PCDHGA6: variants seen among roughly 807,000 people sequenced by gnomAD.
PCDHGA6 encodes the protein protocadherin gamma subfamily A, 6, also known as protocadherin gamma-A6.
PCDHGA6 carries 41 observed loss-of-function variants against 60.6 expected under a neutral mutation model. The observed-to-expected ratio is 0.68, with a 90% confidence interval of 0.53 to 0.88. The LOEUF (loss-of-function observed/expected upper bound fraction) is 0.88. PCDHGA6 is among the 40% of genes least tolerant of loss of function. PCDHGA6 has a pLI of 0.00. For synonymous variants in PCDHGA6, 594 were observed against 524.4 expected (o/e 1.13, Z -1.81); for missense variants, 1,312 against 1,203.0 (o/e 1.09, Z -1.34).
At position 141,512,116 on chromosome 5, in the gene PCDHGA6, T is replaced by TTA. The variant is rs2099884085; in HGVS notation, c.*943_*944insTA. On this transcript the variant is annotated 3_prime_UTR_variant, in exon 4 of 4. Coordinates refer to ENST00000517434, the MANE Select transcript of PCDHGA6 (RefSeq NM_018919.3). ...ACTAGGCTGGACCCTTCCCACTACA[T>TTA]AATAGGGCTCAGCCCAGGCAGCCAG... 1 of 152,600 alleles carries TTA rather than the reference T, an allele frequency of 6.6e-6. No homozygotes were observed. The highest frequency in any genetic ancestry group is 2.1e-4 in the South Asian group (1 of 4,832). 9.5% of individuals were successfully genotyped at this position (152,600 alleles called of 1,614,324 possible).
chr5:141,496,984 G>C (rs938752499), intron 2 of PCDHGA6, among the ~76,000 whole-genome samples: 1 of 151,896 alleles, frequency 6.6e-6, no homozygotes, highest in Admixed American at 6.6e-5. Context: ...TCAGGGGTTT[G>C]AGACCAGCCT....
chr5:141,429,488 T>TA (rs748742046), intron 1 of PCDHGA6, among the ~76,000 whole-genome samples: 13 of 152,096 alleles, frequency 8.5e-5, no homozygotes, highest in Non-Finnish European at 1.6e-4. Flanking sequence ...TAGCTGAGAC[T>TA]ACAGTTGCCT....
At position 141,432,646 on chromosome 5, in the gene PCDHGA6, G is replaced by A. The variant is rs780822589; in HGVS notation, c.2424+56139G>A. 9.3e-6 allele frequency: 15 copies of A among 1,613,690 alleles called. No individual in the cohort carries two copies. The highest frequency in any genetic ancestry group is 1.3e-5 in the Non-Finnish European group (15 of 1,179,944). ...TGCACACGGGCGAGGTGCGCACGGCGCGAGCCCTGCTGGACAGAGACGCGC... is the reference window on the plus strand; with the variant it reads ...TGCACACGGGCGAGGTGCGCACGGCACGAGCCCTGCTGGACAGAGACGCGC... On this transcript the variant is annotated intron_variant, in intron 1 of 3. Transcript: ENST00000517434. This position sits in a 1 kb window ranked among gnomAD's most constrained non-coding sequence, Gnocchi z 6.0.
chr5:141,383,162 G>T (rs1778883191), intron 1 of PCDHGA6: 1 of 1,614,006 alleles, frequency 6.2e-7, no homozygotes, highest in Non-Finnish European at 8.5e-7. Context: ...GTCACTGCGG[G>T]CAGGATAGAC....
intron 1 of PCDHGA6, among the ~76,000 whole-genome samples, chr5:141,449,440 C>T (rs2098639026): frequency 6.6e-6 from 1 of 151,742 alleles, no homozygotes; most frequent in Admixed American, 6.6e-5. Flanking sequence ...AACTCCATCT[C>T]TACTAAAAAT....
At chr5:141,409,674 TAGTGGCG>T in intron 1 of PCDHGA6, 1 of 1,613,414 alleles carries the variant, frequency 6.2e-7, no homozygotes, top group Non-Finnish European at 8.5e-7. Flanking sequence ...TCCTACTCTA[TAGTGGCG>T]AGTGACCTAG....
chr5:141,431,907 T>A lies in PCDHGA6; in HGVS notation c.2424+55400T>A, dbSNP rs2097427946. 2 of 1,613,964 alleles carry A rather than the reference T, an allele frequency of 1.2e-6. No homozygotes were observed. Among genetic ancestry groups the A allele is most frequent in the South Asian group, 2.2e-5 (2 of 91,086 alleles). Reference sequence around the variant, plus strand: ...GATTCTGAGGAAAACGGACAGGTGATCTGTTTCATCCAAGGAAATCTGCCC... The same window carrying A: ...GATTCTGAGGAAAACGGACAGGTGAACTGTTTCATCCAAGGAAATCTGCCC... On this transcript the variant is annotated intron_variant, in intron 1 of 3. Transcript: ENST00000517434. This position sits in a 1 kb window ranked among gnomAD's most constrained non-coding sequence, Gnocchi z 4.8.
intron 1 of PCDHGA6, chr5:141,479,198 GA>G (rs1288699377): frequency 6.6e-6 from 1 of 152,304 alleles, no homozygotes; most frequent in African/African-American, 2.4e-5. Context: ...AGAAAATACA[GA>G]AAAGTATTTA....
intron 1 of PCDHGA6, among the ~76,000 whole-genome samples, chr5:141,455,408 G>A (rs1024760282): frequency 6.6e-6 from 1 of 152,150 alleles, no homozygotes; most frequent in Non-Finnish European, 1.5e-5. Context: ...TACAGAGACA[G>A]AGGGAGCGGG....
intron 1 of PCDHGA6, among the ~76,000 whole-genome samples, chr5:141,450,038 A>G (rs2098666630): frequency 8.1e-6 from 1 of 124,190 alleles, no homozygotes; most frequent in African/African-American, 3.3e-5. Context: ...ACAGGGTCTC[A>G]CTCTTTCGCC....
chr5:141,473,974 C>T (rs958240236), intron 1 of PCDHGA6, among the ~76,000 whole-genome samples: 12 of 152,172 alleles, frequency 7.9e-5, no homozygotes, highest in Admixed American at 1.3e-4. Flanking sequence ...AAGTCTGAGG[C>T]GGGAGGATCC....
rs549455612 is a variant in PCDHGA6 at position 141,415,049 on chromosome 5, A to T, written c.2424+38542A>T. On this transcript the variant is annotated intron_variant, in intron 1 of 3. Transcript: ENST00000517434. Reference sequence around the variant, plus strand: ...GAGCCGGGACTCTTCGCGGTGGGGGAGCACACGGGCGAGGTGCGCACGGCG... The same window carrying T: ...GAGCCGGGACTCTTCGCGGTGGGGGTGCACACGGGCGAGGTGCGCACGGCG... 84 of 1,613,216 alleles carry T rather than the reference A, an allele frequency of 5.2e-5. 1 individual carries two copies. In the Admixed American group the frequency reaches 6.0e-4, roughly 12 times the overall value.
intron 1 of PCDHGA6, chr5:141,404,308 C>T (rs1241004917): frequency 6.2e-7 from 1 of 1,613,918 alleles, no homozygotes; most frequent in Middle Eastern, 1.6e-4. Flanking sequence ...CACCTGCTTT[C>T]TCTCAAGCCT....
intron 1 of PCDHGA6, chr5:141,421,377 C>T (rs1168242339): frequency 1.9e-6 from 3 of 1,613,924 alleles, no homozygotes; most frequent in South Asian, 1.1e-5. Context: ...GCAATATCTC[C>T]AAGGACCTGG....
chr5:141,414,597 C>T, intron 1 of PCDHGA6: 5 of 1,613,972 alleles, frequency 3.1e-6, no homozygotes, highest in Non-Finnish European at 3.4e-6. Flanking sequence ...GGGGTGCCTC[C>T]ATCTTCTCAG....
chr5:141,510,656 A>C (rs761093897), intron 3 of PCDHGA6, among the ~76,000 whole-genome samples: 4 of 152,304 alleles, frequency 2.6e-5, no homozygotes, highest in Non-Finnish European at 5.9e-5. Flanking sequence ...CCCATTTTGC[A>C]GATGAGAAAA....
At chr5:141,406,011 G>A (rs1380278745) in intron 1 of PCDHGA6, among the ~76,000 whole-genome samples, 7 of 151,702 alleles carry the variant, frequency 4.6e-5, no homozygotes, top group African/African-American at 1.7e-4. Context: ...CATTGATGTG[G>A]GCTTTTTGGG....
chr5:141,501,335 C>CA (rs2099808433), intron 2 of PCDHGA6, among the ~76,000 whole-genome samples: 1 of 135,634 alleles, frequency 7.4e-6, no homozygotes, highest in Non-Finnish European at 1.6e-5. Context: ...ACACACACAC[C>CA]CCAAACTCAA....
At chr5:141,394,547 G>T (rs771070854) in intron 1 of PCDHGA6, 6 of 1,614,098 alleles carry the variant, frequency 3.7e-6, no homozygotes, top group East Asian at 2.2e-5. Context: ...TGGAGCTGGC[G>T]CCCCGCTCCG....
Sources: allele counts gnomAD v4.1 joint callset (sites outside exome capture counted in the v4.1 genomes callset), GRCh38; gene constraint gnomAD v4.1.1; non-coding constraint Gnocchi (gnomAD v3.1); transcripts MANE v1.5; gene names NCBI Gene and HGNC (gene_info 2026-07-23, HGNC 2026-07-21).